FMN1: variants seen among roughly 807,000 people sequenced by gnomAD.
FMN1 encodes the protein formin 1.
A neutral mutation model predicts 132.4 loss-of-function variants in FMN1; 110 were observed. That is an observed-to-expected ratio of 0.83 (90% CI 0.71 to 0.97). The LOEUF is 0.97. Ranked by LOEUF, FMN1 falls within the 50% of genes least tolerant of loss-of-function variation. The pLI is 0.00. For missense variants in FMN1, 1,792 were observed against 1,705.3 expected (o/e 1.05, Z -0.90); for synonymous variants, 722 against 651.7 (o/e 1.11, Z -1.64).
At chr15:33,018,064 CAAG>C (rs1346224534) in intron 6 of FMN1, among the ~76,000 whole-genome samples, 3 of 40,028 alleles carry the variant, frequency 7.5e-5, no homozygotes, top group Non-Finnish European at 1.5e-4. Context: ...CACTACCTCT[CAAG>C]AAAAAAAAAA....
chr15:33,127,694 C>T (rs530152848), intron 4 of FMN1, among the ~76,000 whole-genome samples: 2 of 152,272 alleles, frequency 1.3e-5, no homozygotes, highest in South Asian at 2.1e-4. Flanking sequence ...CCTCTTTGGA[C>T]GTAAGCTATG....
intron 6 of FMN1, among the ~76,000 whole-genome samples, chr15:33,059,190 T>C (rs527509334): frequency 9.8e-5 from 15 of 152,350 alleles, no homozygotes; most frequent in African/African-American, 3.1e-4. Flanking sequence ...AAGGTCCTCC[T>C]GATACATCCA....
chr15:32,955,106 G>T (rs1161958039), intron 9 of FMN1, among the ~76,000 whole-genome samples: 1 of 152,194 alleles, frequency 6.6e-6, no homozygotes, highest in Non-Finnish European at 1.5e-5. Context: ...GTATAAAACA[G>T]GAACAATAAT....
chr15:32,798,941 T>G lies in FMN1; in HGVS notation c.3993A>C (p.Thr1331=). 1 of 1,613,222 alleles carries G rather than the reference T, an allele frequency of 6.2e-7. No homozygotes were observed. The highest frequency in any genetic ancestry group is 8.5e-7 in the Non-Finnish European group (1 of 1,179,686). Residue 1331 remains threonine, a synonymous_variant, in exon 19 of 21, where the codon ACA becomes ACC. Coordinates refer to ENST00000616417, the MANE Select transcript of FMN1 (RefSeq NM_001277313.2). The stretch of plus-strand genomic sequence containing the variant: ...TTGGCTTCATCCCAAAATATCGTAC[T>G]GTTGTTTCAAAACTGCAACAGGTAG... ...LENAQKSFET[T]VRYFGMKPKS...
intron 3 of FMN1, among the ~76,000 whole-genome samples, chr15:33,156,461 T>A (rs1433243276): frequency 6.6e-6 from 1 of 151,502 alleles, no homozygotes; most frequent in Non-Finnish European, 1.5e-5. Flanking sequence ...TTTTTGTATT[T>A]TTTTTTTTTG....
chr15:32,834,501 C>CA (rs2058578243), intron 17 of FMN1, among the ~76,000 whole-genome samples: 2 of 152,150 alleles, frequency 1.3e-5, no homozygotes, highest in South Asian at 4.1e-4. Flanking sequence ...AAACAAAAGA[C>CA]AGAAAACAGG....
At chr15:33,166,843 G>A (rs983249311) in intron 3 of FMN1, among the ~76,000 whole-genome samples, 2 of 152,126 alleles carry the variant, frequency 1.3e-5, no homozygotes, top group South Asian at 2.1e-4. Context: ...ATCTACCCAG[G>A]GTAGAAAGGG....
intron 19 of FMN1, among the ~76,000 whole-genome samples, chr15:32,777,647 CA>C (rs1212749754): frequency 5.7e-5 from 8 of 139,324 alleles, no homozygotes; most frequent in African/African-American, 1.9e-4. Context: ...TAACATAACA[CA>C]TTTATATATT....
At chr15:32,977,886 A>G (rs1416575195) in intron 7 of FMN1, among the ~76,000 whole-genome samples, 5 of 150,450 alleles carry the variant, frequency 3.3e-5, no homozygotes, top group Admixed American at 3.3e-4. Context: ...TTTCTGAGAC[A>G]GAGTCTCTGT....
chr15:32,809,669 C>T (rs62001277), intron 17 of FMN1, among the ~76,000 whole-genome samples: 5 of 151,986 alleles, frequency 3.3e-5, no homozygotes, highest in African/African-American at 1.2e-4. Context: ...TCTTTGAAAA[C>T]CAAGCTTGAA....
At chr15:32,956,753 C>T (rs1016000060) in intron 9 of FMN1, among the ~76,000 whole-genome samples, 1 of 152,100 alleles carries the variant, frequency 6.6e-6, no homozygotes, top group Non-Finnish European at 1.5e-5. Flanking sequence ...ACGCACATTC[C>T]TTACACCGAG....
At chr15:33,053,613 G>A (rs538291202) in intron 6 of FMN1, among the ~76,000 whole-genome samples, 170 of 152,154 alleles carry the variant, frequency 1.1e-3, no homozygotes, top group African/African-American at 3.8e-3. Context: ...TACAAACTTC[G>A]GTGTTCCCAC....
intron 19 of FMN1, among the ~76,000 whole-genome samples, chr15:32,796,121 T>C (rs768556921): frequency 1.6e-4 from 25 of 152,240 alleles, no homozygotes; most frequent in Non-Finnish European, 4.4e-5. Context: ...TGCATTCATC[T>C]CAATTTTGTA....
intron 16 of FMN1, among the ~76,000 whole-genome samples, chr15:32,857,957 A>G (rs888358094): frequency 6.6e-6 from 1 of 152,230 alleles, no homozygotes; most frequent in African/African-American, 2.4e-5. Flanking sequence ...CGTTTCTACA[A>G]AGCTAGAGCT....
intron 3 of FMN1, among the ~76,000 whole-genome samples, chr15:33,177,583 A>T (rs192588550): frequency 1.1e-4 from 17 of 152,334 alleles, no homozygotes; most frequent in Admixed American, 9.2e-4. Flanking sequence ...CCACTCACCA[A>T]ATTACTTTTC....
intron 5 of FMN1, chr15:33,067,381 G>A (rs756541387): frequency 1.9e-6 from 3 of 1,613,966 alleles, no homozygotes; most frequent in South Asian, 1.1e-5. Flanking sequence ...CACCACTAGG[G>A]GACTTTGGGC....
Position 32,773,867 on chromosome 15 carries a change from C to T in FMN1, c.*443G>A. ...GCTGCAACAGGATCAAAACTAAGACCAATAATCAAAACAGCAGTGTGTAAC... is the reference window on the plus strand; with the variant it reads ...GCTGCAACAGGATCAAAACTAAGACTAATAATCAAAACAGCAGTGTGTAAC... On this transcript the variant is annotated 3_prime_UTR_variant, in exon 21 of 21. Transcript: ENST00000616417. The T allele has an allele frequency of 5.9e-6, 1 of 169,654 alleles. No individual in the cohort carries two copies. 10.5% of individuals were successfully genotyped at this position (169,654 alleles called of 1,614,324 possible).
intron 13 of FMN1, chr15:32,900,356 T>A: frequency 1.5e-6 from 1 of 673,652 alleles, no homozygotes; most frequent in East Asian, 2.8e-5. Flanking sequence ...GTGCATGTTT[T>A]AATACATGAG....
chr15:33,113,479 G>C (rs957568024), intron 4 of FMN1, among the ~76,000 whole-genome samples: 1 of 152,034 alleles, frequency 6.6e-6, no homozygotes, highest in African/African-American at 2.4e-5. Context: ...CATAGGGTAC[G>C]ATATAGACAA....
Sources: gnomAD v4.1 joint callset for allele counts (sites outside exome capture counted in the v4.1 genomes callset) on GRCh38, gnomAD v4.1.1 for gene constraint, MANE v1.5 for transcripts, NCBI Gene and HGNC (gene_info 2026-07-23, HGNC 2026-07-21) for gene names.